CAAP1: variants seen among roughly 807,000 people sequenced by gnomAD.
The protein encoded by CAAP1 is conserved anti-apoptotic protein.
A neutral mutation model predicts 34.0 loss-of-function variants in CAAP1; 20 were observed. The observed-to-expected ratio is 0.59, with a 90% CI of 0.41 to 0.86. The LOEUF is 0.86. Among genes scored for constraint, CAAP1 ranks in the 40% least tolerant of loss-of-function variants. The probability of loss-of-function intolerance (pLI) is 0.00; values close to 1 mark genes in which losing one functional copy is unlikely to be tolerated. For missense variants in CAAP1, 538 were observed against 450.5 expected (o/e 1.19, Z -1.76); for synonymous variants, 213 against 166.7 (o/e 1.28, Z -2.14).
At chr9:26,848,861 C>G (rs986672783) in intron 5 of CAAP1, among the ~76,000 whole-genome samples, 9 of 152,082 alleles carry the variant, frequency 5.9e-5, no homozygotes, top group African/African-American at 2.2e-4. Context: ...ATGGTTTTAT[C>G]CCATATTCAC....
chr9:26,842,702 T>C, intron 5 of CAAP1, 55 bp from the exon 6 acceptor site: 1 of 1,394,806 alleles, frequency 7.2e-7, no homozygotes, highest in Non-Finnish European at 9.7e-7. Flanking sequence ...GGGTCACAAT[T>C]TCCTTACTGT....
intron 5 of CAAP1, among the ~76,000 whole-genome samples, chr9:26,852,411 C>A (rs565740736): frequency 1.8e-4 from 27 of 151,712 alleles, no homozygotes; most frequent in African/African-American, 6.0e-4. Flanking sequence ...GCTGAGATCA[C>A]GCCACTGCAC....
At chr9:26,843,507 T>G (rs1320465943) in intron 5 of CAAP1, among the ~76,000 whole-genome samples, 3 of 152,158 alleles carry the variant, frequency 2.0e-5, no homozygotes, top group African/African-American at 7.2e-5. Flanking sequence ...ATTATTATAC[T>G]TTAAGTTTTA....
rs775964270 is a variant in CAAP1, at chr9:26,892,449, A to C, written c.267T>G (p.Ser89Arg). The change falls in exon 1 of 6, where the codon AGT becomes AGG. Residue 89 changes from serine (S) to arginine (R), a missense_variant. Ser to Arg is a moderately radical substitution (Grantham distance 110, BLOSUM62 -1). Coordinates refer to ENST00000333916, the MANE Select transcript of CAAP1 (RefSeq NM_024828.4). ...VERSERRKRR[S>R]TDSSSVSGSL... ...AGCCCGAGACGCTGGAAGAGTCGGT[A>C]CTCCTCCGCTTCCGGCGCTCGCTGC... 6.3e-7 allele frequency: 1 copy of C among 1,591,282 alleles called. No individual in the cohort carries two copies. The highest frequency in any genetic ancestry group is 1.1e-5 in the South Asian group (1 of 88,432).
At chr9:26,848,409 A>G (rs10812479) in intron 5 of CAAP1, among the ~76,000 whole-genome samples, 42,278 of 152,028 alleles carry the variant, frequency 0.28, 7,130 homozygotes, top group East Asian at 0.74. Flanking sequence ...CCAGATACTC[A>G]GGAGGCTGAG....
chr9:26,862,908 G>T (rs1345950355), intron 4 of CAAP1, among the ~76,000 whole-genome samples: 1 of 151,820 alleles, frequency 6.6e-6, no homozygotes, highest in Non-Finnish European at 1.5e-5. Context: ...ATATAACTTA[G>T]CCTCAAATGT....
chr9:26,861,466 A>T (rs1823001255), intron 4 of CAAP1, among the ~76,000 whole-genome samples: 1 of 152,210 alleles, frequency 6.6e-6, no homozygotes, highest in Non-Finnish European at 1.5e-5. Flanking sequence ...GCAGTATCCA[A>T]TAATTTTTCA....
rs1822508402 is a variant in CAAP1, at chr9:26,842,624, G to A, written c.763C>T (p.Leu255Phe). The part of the protein sequence containing the change: ...KQGKGEDSDV[L>F]SINADAYDSD... ...TCATAAGCATCTGCATTTATACTGA[G>A]TACATCACTATCTTCCCCTTTTCCT... The change falls in exon 6 of 6, where the codon CTC becomes TTC. Residue 255 changes from leucine to phenylalanine, a missense_variant. Coordinates refer to ENST00000333916, the MANE Select transcript of CAAP1 (RefSeq NM_024828.4). 1 of 1,610,048 alleles carries A rather than the reference G, an allele frequency of 6.2e-7. No homozygotes were observed. The highest frequency in any genetic ancestry group is 8.5e-7 in the Non-Finnish European group (1 of 1,178,380).
chr9:26,887,687 T>G (rs981859733), intron 1 of CAAP1, among the ~76,000 whole-genome samples, 174 bp from the exon 2 acceptor site: 10 of 152,174 alleles, frequency 6.6e-5, no homozygotes, highest in Non-Finnish European at 1.2e-4. Context: ...TATTACTTGA[T>G]TTTTCTCTCC....
At chr9:26,865,243 G>C (rs1352248968) in intron 4 of CAAP1, among the ~76,000 whole-genome samples, 1 of 152,110 alleles carries the variant, frequency 6.6e-6, no homozygotes, top group Admixed American at 6.6e-5. Context: ...CAAGAAATTT[G>C]GCGAGGGGCA....
At chr9:26,842,937 T>C (rs771126788) in intron 5 of CAAP1, among the ~76,000 whole-genome samples, 4 of 152,218 alleles carry the variant, frequency 2.6e-5, no homozygotes, top group Non-Finnish European at 5.9e-5. Context: ...CTAATTAAAA[T>C]GTCATAACAT....
intron 5 of CAAP1, among the ~76,000 whole-genome samples, chr9:26,855,605 C>G (rs1461051002): frequency 6.6e-6 from 1 of 152,046 alleles, no homozygotes; most frequent in Non-Finnish European, 1.5e-5. Context: ...AAAAAAAAAG[C>G]CTTTAATAAA....
chr9:26,876,658 T>G lies in CAAP1; in HGVS notation c.665+8152A>C, dbSNP rs115644288. ...TACAGTATTCACTACAATAACATGC[T>G]GTACAGGTTTGGAGCCTAGGAATAA... On this transcript the variant is annotated intron_variant, in intron 4 of 5. Transcript: ENST00000333916. Among the ~76,000 whole-genome samples the G allele has an allele frequency of 9.6e-3, 1,458 of 152,218 alleles. 24 individuals carry two copies. The highest frequency in any genetic ancestry group is 0.033 in the African/African-American group (1,386 of 41,522).
chr9:26,882,438 T>A (rs7029328), intron 4 of CAAP1, among the ~76,000 whole-genome samples: 1 of 152,148 alleles, frequency 6.6e-6, no homozygotes, highest in African/African-American at 2.4e-5. Context: ...GAGCCTGCAG[T>A]TGCATAGAAG....
chr9:26,861,198 AC>A, intron 4 of CAAP1, 59 bp from the exon 5 acceptor site: 2 of 1,259,108 alleles, frequency 1.6e-6, no homozygotes, highest in Non-Finnish European at 2.3e-6. Flanking sequence ...AATATTTACT[AC>A]CCAGGTTCCC....
At chr9:26,880,978 CTCTT>C (rs1474906591) in intron 4 of CAAP1, among the ~76,000 whole-genome samples, 7 of 152,098 alleles carry the variant, frequency 4.6e-5, no homozygotes, top group African/African-American at 1.7e-4. Context: ...GCCAAGCCCT[CTCTT>C]TCTTTCATCT....
intron 1 of CAAP1, among the ~76,000 whole-genome samples, chr9:26,890,127 T>C (rs145217745): frequency 0.012 from 1,784 of 152,148 alleles, 36 homozygotes; most frequent in African/African-American, 0.041. Flanking sequence ...CCCAGCACTT[T>C]GGGAGGCTGA....
At chr9:26,865,245 C>A (rs138281051) in intron 4 of CAAP1, among the ~76,000 whole-genome samples, 1 of 152,062 alleles carries the variant, frequency 6.6e-6, no homozygotes, top group African/African-American at 2.4e-5. Flanking sequence ...AGAAATTTGG[C>A]GAGGGGCAGT....
chr9:26,849,322 G>C (rs1397886389), intron 5 of CAAP1, among the ~76,000 whole-genome samples: 2 of 151,964 alleles, frequency 1.3e-5, no homozygotes, highest in Non-Finnish European at 2.9e-5. Context: ...TTCTTCATTT[G>C]TATTGTTTTT....
Sources: gnomAD v4.1 joint callset for allele counts (sites outside exome capture counted in the v4.1 genomes callset) on GRCh38, gnomAD v4.1.1 for gene constraint, MANE v1.5 for transcripts, NCBI Gene and HGNC (gene_info 2026-07-23, HGNC 2026-07-21) for gene names.